Variants in CTDSPL2 observed in about 807,000 individuals in gnomAD.
CTDSPL2 encodes the protein CTD small phosphatase-like protein 2.
A neutral mutation model predicts 60.0 loss-of-function variants in CTDSPL2; 5 were observed. The ratio of observed to expected loss-of-function variants is 0.08; its 90% CI spans 0.04 to 0.18. The LOEUF (loss-of-function observed/expected upper bound fraction) is 0.18, where lower values mean the gene tolerates loss of function less well. CTDSPL2 is among the 10% of genes least tolerant of loss of function. The pLI, the probability that CTDSPL2 is intolerant of heterozygous loss-of-function variation, is 1.00. For missense variants in CTDSPL2, 370 were observed against 548.8 expected (o/e 0.67, Z 3.26); for synonymous variants, 186 against 189.3 (o/e 0.98, Z 0.14).
intron 1 of CTDSPL2, among the ~76,000 whole-genome samples, chr15:44,446,628 TCAAACAATCAAA>T (rs1212033633): frequency 6.8e-6 from 1 of 147,008 alleles, no homozygotes; most frequent in African/African-American, 2.5e-5. Flanking sequence ...AGGCTCTATC[TCAAACAATCAAA>T]CAAACAAACA....
intron 12 of CTDSPL2, among the ~76,000 whole-genome samples, chr15:44,523,786 C>T (rs1415837052): frequency 2.0e-5 from 3 of 152,144 alleles, no homozygotes; most frequent in Non-Finnish European, 4.4e-5. Context: ...GTAGTCCCAG[C>T]TACTTTGGAG....
intron 1 of CTDSPL2, among the ~76,000 whole-genome samples, chr15:44,442,468 G>A (rs1595698172): frequency 6.6e-6 from 1 of 150,602 alleles, no homozygotes; most frequent in East Asian, 2.0e-4. Flanking sequence ...AAAAAAGATA[G>A]ATAATTTTAA....
chr15:44,447,863 T>C (rs1392306445), intron 1 of CTDSPL2: 1 of 153,726 alleles, frequency 6.5e-6, no homozygotes, highest in African/African-American at 2.4e-5. Context: ...CTCCAGAGTT[T>C]AAGTGGGCGC....
chr15:44,524,407 C>A lies in CTDSPL2; in HGVS notation c.*233C>A. ...AAGAGTCTTTAGAACTAGTGCAACT[C>A]CAGTGAAATTTTTTATGTACAGGAC... On this transcript the variant is annotated 3_prime_UTR_variant, in exon 13 of 13. Transcript: ENST00000260327. The A allele has an allele frequency of 2.1e-6, 1 of 465,440 alleles. No individual in the cohort carries two copies. Among genetic ancestry groups the A allele is most frequent in the Non-Finnish European group, 3.8e-6 (1 of 261,072 alleles). 28.8% of individuals were successfully genotyped at this position (465,440 alleles called of 1,614,324 possible).
At chr15:44,469,995 G>A (rs2080771769) in intron 2 of CTDSPL2, among the ~76,000 whole-genome samples, 1 of 151,644 alleles carries the variant, frequency 6.6e-6, no homozygotes, top group Non-Finnish European at 1.5e-5. Context: ...CTACTTGGGA[G>A]GCTGAGGCAG....
intron 1 of CTDSPL2, among the ~76,000 whole-genome samples, chr15:44,434,539 G>A (rs1266843536): frequency 6.6e-6 from 1 of 152,184 alleles, no homozygotes; most frequent in Non-Finnish European, 1.5e-5. Context: ...AACTACAGGT[G>A]TGCACCACCA....
chr15:44,471,981 A>G lies in CTDSPL2; in HGVS notation c.187-12243A>G, dbSNP rs2080820166. ...GAATTGAATAAAAATTAAAAAAAAA[A>G]AAAGAGAAAAAACAAAGTACATCCA... On this transcript the variant is annotated intron_variant, in intron 2 of 12. Transcript: ENST00000260327. Among the ~76,000 whole-genome samples, 8 of 152,168 alleles carry G rather than the reference A, an allele frequency of 5.3e-5. No individual in the cohort carries two copies. In the South Asian group the frequency reaches 1.7e-3, roughly 32 times the overall value.
intron 8 of CTDSPL2, among the ~76,000 whole-genome samples, chr15:44,510,674 G>A (rs2081550889): frequency 6.6e-6 from 1 of 152,168 alleles, no homozygotes; most frequent in South Asian, 2.1e-4. Flanking sequence ...AAAATGGGAA[G>A]TAGGCAGCTC....
At chr15:44,507,335 C>T (rs189091472) in intron 8 of CTDSPL2, among the ~76,000 whole-genome samples, 295 of 152,312 alleles carry the variant, frequency 1.9e-3, no homozygotes, top group Non-Finnish European at 2.7e-3. Context: ...CTGCCCACCT[C>T]GGCCTCCCAA....
intron 1 of CTDSPL2, among the ~76,000 whole-genome samples, chr15:44,435,209 A>G (rs1237949494): frequency 6.7e-6 from 1 of 150,212 alleles, no homozygotes; most frequent in East Asian, 2.0e-4. Flanking sequence ...GTGAGCCGAG[A>G]TCACGCCACT....
chr15:44,429,719 AGCCGGG>A (rs1261138988), intron 1 of CTDSPL2, among the ~76,000 whole-genome samples: 1 of 152,174 alleles, frequency 6.6e-6, no homozygotes, highest in Non-Finnish European at 1.5e-5. Flanking sequence ...TACAAAAATT[AGCCGGG>A]CATGGTGGTG....
intron 8 of CTDSPL2, among the ~76,000 whole-genome samples, chr15:44,510,396 C>G (rs1318290064): frequency 6.6e-6 from 1 of 152,080 alleles, no homozygotes; most frequent in Non-Finnish European, 1.5e-5. Flanking sequence ...AGTAGTCAAT[C>G]TTGAATAGTT....
intron 8 of CTDSPL2, among the ~76,000 whole-genome samples, chr15:44,507,065 CT>C (rs1467774671): frequency 6.6e-6 from 1 of 150,498 alleles, no homozygotes; most frequent in Non-Finnish European, 1.5e-5. Flanking sequence ...CCGCGCCTGG[CT>C]TTTTTTGTTT....
At chr15:44,460,351 G>A (rs914648021) in intron 2 of CTDSPL2, among the ~76,000 whole-genome samples, 7 of 151,976 alleles carry the variant, frequency 4.6e-5, no homozygotes, top group South Asian at 2.1e-4. Context: ...CTTGTGATTC[G>A]TCCGCCTCGG....
chr15:44,505,658 C>T lies in CTDSPL2; in HGVS notation c.969+5845C>T, dbSNP rs192469203. 4.2e-4 allele frequency among the ~76,000 whole-genome samples: 63 copies of T among 150,536 alleles called. 1 individual carries two copies. Among genetic ancestry groups the T allele is most frequent in the African/African-American group, 1.4e-3 (59 of 40,934 alleles). ...CTGAGACGGGAGAATTGCTTGAACC[C>T]GGGAGGGAGAGGTTGCAGTGAGCCG... On this transcript the variant is annotated intron_variant, in intron 8 of 12. Coordinates refer to ENST00000260327, the MANE Select transcript of CTDSPL2 (RefSeq NM_016396.3).
At chr15:44,431,140 T>C (rs568909608) in intron 1 of CTDSPL2, among the ~76,000 whole-genome samples, 84 of 151,134 alleles carry the variant, frequency 5.6e-4, no homozygotes, top group African/African-American at 2.0e-3. Context: ...TTTTTTTTTT[T>C]AATGGAGACG....
chr15:44,474,138 CAT>C lies in CTDSPL2; in HGVS notation c.187-10080_187-10079del, dbSNP rs549435765. On this transcript the variant is annotated intron_variant, in intron 2 of 12. Transcript: ENST00000260327. Reference sequence around the variant, plus strand: ...CCACCACCCACAGAATGTTAAGACTCATATATAAAGGCCGAGATTTAACAGTT... The same window carrying C: ...CCACCACCCACAGAATGTTAAGACTCATATAAAGGCCGAGATTTAACAGTT... Among the ~76,000 whole-genome samples the C allele has an allele frequency of 2.1e-3, 318 of 152,246 alleles. 2 individuals are homozygous for C. The highest frequency in any genetic ancestry group is 7.5e-3 in the African/African-American group (310 of 41,550).
chr15:44,489,446 C>G (rs1699964274), intron 4 of CTDSPL2, among the ~76,000 whole-genome samples: 1 of 152,150 alleles, frequency 6.6e-6, no homozygotes, highest in Non-Finnish European at 1.5e-5. Context: ...AACAGACTGG[C>G]CTTTATCAAG....
chr15:44,512,119 C>T (rs1384025476), intron 8 of CTDSPL2, among the ~76,000 whole-genome samples: 3 of 151,864 alleles, frequency 2.0e-5, no homozygotes, highest in Non-Finnish European at 4.4e-5. Context: ...ATCACTTCAG[C>T]CCGGGAGGTC....
Sources: gnomAD v4.1 joint callset for allele counts (sites outside exome capture counted in the v4.1 genomes callset) on GRCh38, gnomAD v4.1.1 for gene constraint, MANE v1.5 for transcripts, NCBI Gene and HGNC (gene_info 2026-07-23, HGNC 2026-07-21) for gene names.